SEMA7A: variants seen among roughly 807,000 people sequenced by gnomAD.
The protein encoded by SEMA7A is semaphorin 7A (JohnMiltonHagen blood group), also known as semaphorin-7A.
Under a neutral mutation model 67.5 loss-of-function variants are expected in SEMA7A, and 21 were observed. The observed-to-expected ratio is 0.31, with a 90% CI of 0.22 to 0.45. The LOEUF (loss-of-function observed/expected upper bound fraction) is 0.45. Ranked by LOEUF, SEMA7A falls within the 20% of genes least tolerant of loss-of-function variation. The pLI, the probability that SEMA7A is intolerant of heterozygous loss-of-function variation, is 1.00. For synonymous variants in SEMA7A, 364 were observed against 368.5 expected (o/e 0.99, Z 0.14); for missense variants, 774 against 908.6 (o/e 0.85, Z 1.90).
rs373883349 is a variant in SEMA7A at position 74,429,029 on chromosome 15, C to G, written c.178+4712G>C. ...TACACCTGGTGGCTGGCCCTCCCTG[C>G]AAGGGTACGGAACCCTGGCTCTTCT... is the stretch of plus-strand genomic sequence containing the variant. On this transcript the variant is annotated intron_variant, in intron 1 of 13. Transcript: ENST00000261918. 2.0e-5 allele frequency among the ~76,000 whole-genome samples: 3 copies of G among 152,310 alleles called. No individual in the cohort carries two copies. In the East Asian group the frequency reaches 5.8e-4, roughly 29 times the overall value.
chr15:74,429,984 ACTG>A (rs1237054964), intron 1 of SEMA7A, among the ~76,000 whole-genome samples: 1 of 151,748 alleles, frequency 6.6e-6, no homozygotes, highest in African/African-American at 2.4e-5. Context: ...AGTGCCCATA[ACTG>A]CTCTCTGTTA....
At position 74,417,607 on chromosome 15, in the gene SEMA7A, G is replaced by C; in HGVS notation, c.534C>G (p.Ser178=). ...CTGCCCTACCTTCAAACAGAACCAG[G>C]GAGTTCTCGTCCGGGCTGAAGGGGG... The part of the protein sequence containing the change: ...GYAPFSPDEN[S]LVLFEGDEVY... The change falls in exon 5 of 14, where the codon TCC becomes TCG. Residue 178 remains serine (S), a synonymous_variant. Transcript: ENST00000261918. 1 of 1,612,896 alleles carries C rather than the reference G, an allele frequency of 6.2e-7. No individual in the cohort carries two copies. Among genetic ancestry groups the C allele is most frequent in the South Asian group, 1.1e-5 (1 of 91,016 alleles).
rs2060887196 is a variant in SEMA7A at position 74,410,181 on chromosome 15, A to T, written c.*443T>A. ...CTTCAGGAACACCAGCCACCCAGCCATGAGAGAGGGAGGGGAAGGAGGCAA... is the reference window on the plus strand; with the variant it reads ...CTTCAGGAACACCAGCCACCCAGCCTTGAGAGAGGGAGGGGAAGGAGGCAA... On this transcript the variant is annotated 3_prime_UTR_variant, in exon 14 of 14. Transcript: ENST00000261918. The surrounding 1 kb of genome is among the most constrained non-coding windows in gnomAD (Gnocchi z 7.5). 6.1e-6 allele frequency: 1 copy of T among 162,940 alleles called. No homozygotes were observed. The highest frequency in any genetic ancestry group is 1.3e-5 in the Non-Finnish European group (1 of 75,554). The allele number at this position is 162,940 out of a possible 1,614,324, so 10.1% of individuals were successfully genotyped here. A position where few individuals can be genotyped will look rare whatever the true frequency, so the allele number is the denominator to read the frequency against.
intron 2 of SEMA7A, among the ~76,000 whole-genome samples, chr15:74,418,586 G>A (rs906233612): frequency 1.3e-5 from 2 of 152,168 alleles, no homozygotes; most frequent in Non-Finnish European, 2.9e-5. Context: ...AGCTGGCCAG[G>A]CCCATTAGCT....
chr15:74,430,804 C>A (rs777302716), intron 1 of SEMA7A, among the ~76,000 whole-genome samples: 19 of 152,222 alleles, frequency 1.2e-4, no homozygotes, highest in Non-Finnish European at 2.8e-4. Context: ...GCTTGGGAAG[C>A]CCCAGATGTG....
intron 1 of SEMA7A, among the ~76,000 whole-genome samples, chr15:74,428,956 G>C (rs147908078): frequency 6.6e-6 from 1 of 152,330 alleles, no homozygotes; most frequent in Non-Finnish European, 1.5e-5. Flanking sequence ...CCATCCCCCT[G>C]CTTTCTTTCT....
At chr15:74,427,868 G>A (rs189683388) in intron 1 of SEMA7A, among the ~76,000 whole-genome samples, 154 of 152,302 alleles carry the variant, frequency 1.0e-3, no homozygotes, top group Non-Finnish European at 1.4e-3. Context: ...GAATGTGGGG[G>A]CTCCCCAAGG....
chr15:74,417,562 C>A (rs778044257), intron 5 of SEMA7A, 29 bp downstream of exon 5: 49 of 1,605,212 alleles, frequency 3.1e-5, no homozygotes, highest in Non-Finnish European at 4.0e-5. Context: ...AAGCATCCCC[C>A]TGGGGCGCCT....
At chr15:74,428,956 G>A (rs147908078) in intron 1 of SEMA7A, among the ~76,000 whole-genome samples, 11 of 152,210 alleles carry the variant, frequency 7.2e-5, no homozygotes, top group Non-Finnish European at 1.6e-4. Context: ...CCATCCCCCT[G>A]CTTTCTTTCT....
At chr15:74,432,513 C>T (rs1418741104) in intron 1 of SEMA7A, among the ~76,000 whole-genome samples, 1 of 152,222 alleles carries the variant, frequency 6.6e-6, no homozygotes, top group Non-Finnish European at 1.5e-5. Flanking sequence ...CCTGCCTGCA[C>T]CTGGGCTCCC....
chr15:74,420,127 C>T (rs896560912), intron 1 of SEMA7A, among the ~76,000 whole-genome samples: 1 of 152,202 alleles, frequency 6.6e-6, no homozygotes, highest in African/African-American at 2.4e-5. Context: ...AAAAGAACTA[C>T]CATTTCCTCA....
chr15:74,416,075 C>T (rs1201936297), intron 7 of SEMA7A, 90 bp from the exon 8 acceptor site: 1 of 1,358,998 alleles, frequency 7.4e-7, no homozygotes, highest in Non-Finnish European at 1.0e-6. Flanking sequence ...ATATCAACAC[C>T]TGGGCCCAGA....
chr15:74,433,312 C>T (rs1377641663), intron 1 of SEMA7A, among the ~76,000 whole-genome samples: 1 of 151,762 alleles, frequency 6.6e-6, no homozygotes, highest in Non-Finnish European at 1.5e-5. Context: ...GCCCAGCCTG[C>T]GCCCCGCGCG....
At chr15:74,424,408 T>C (rs1285592039) in intron 1 of SEMA7A, among the ~76,000 whole-genome samples, 1 of 152,144 alleles carries the variant, frequency 6.6e-6, no homozygotes, top group Non-Finnish European at 1.5e-5. Flanking sequence ...AGTCAGACAG[T>C]TTTCTGGAAG....
Position 74,411,077 on chromosome 15 carries a change from G to A in SEMA7A, c.1640-92C>T, listed in dbSNP as rs2060895711. On this transcript the variant is annotated intron_variant, in intron 13 of 13. Coordinates refer to ENST00000261918, the MANE Select transcript of SEMA7A (RefSeq NM_003612.5). This position sits in a 1 kb window ranked among gnomAD's most constrained non-coding sequence, Gnocchi z 4.4. ...CCCACGGACTGGGATCCCAGGACAA[G>A]GCTTCTGAATGAACGTGGGGAACCC... 4 of 1,519,566 alleles carry A rather than the reference G, an allele frequency of 2.6e-6. No homozygotes were observed. The highest frequency in any genetic ancestry group is 3.5e-6 in the Non-Finnish European group (4 of 1,135,288). The allele number at this position is 1,519,566 out of a possible 1,614,324, so 94.1% of individuals were successfully genotyped here. A position where few individuals can be genotyped will look rare whatever the true frequency, so the allele number is the denominator to read the frequency against.
At chr15:74,427,302 T>C (rs917006992) in intron 1 of SEMA7A, 12 of 985,178 alleles carry the variant, frequency 1.2e-5, no homozygotes, top group African/African-American at 1.7e-5. Flanking sequence ...GCTCAGACAG[T>C]GGAGAGAAGC....
At chr15:74,412,484 A>G (rs2060910309) in intron 10 of SEMA7A, among the ~76,000 whole-genome samples, 1 of 152,230 alleles carries the variant, frequency 6.6e-6, no homozygotes, top group African/African-American at 2.4e-5. Context: ...AATCTGTCAG[A>G]GCCCAACCAC....
At chr15:74,429,936 C>T (rs2061073501) in intron 1 of SEMA7A, among the ~76,000 whole-genome samples, 1 of 152,140 alleles carries the variant, frequency 6.6e-6, no homozygotes, top group South Asian at 2.1e-4. Flanking sequence ...TTCCAGGAAG[C>T]CCTCCCTGAT....
intron 1 of SEMA7A, among the ~76,000 whole-genome samples, chr15:74,419,292 TTTG>T (rs1298386281): frequency 1.3e-5 from 2 of 152,122 alleles, no homozygotes; most frequent in Non-Finnish European, 2.9e-5. Context: ...GGCACACACT[TTTG>T]AGGGCTGGGC....
Sources: allele counts gnomAD v4.1 joint callset (sites outside exome capture counted in the v4.1 genomes callset), GRCh38; gene constraint gnomAD v4.1.1; non-coding constraint Gnocchi (gnomAD v3.1); transcripts MANE v1.5; gene names NCBI Gene and HGNC (gene_info 2026-07-23, HGNC 2026-07-21).